Variants in DOT1L observed in about 807,000 individuals in gnomAD.
DOT1L encodes the protein histone-lysine N-methyltransferase, H3 lysine-79 specific.
In DOT1L, 33 loss-of-function variants were observed where a neutral mutation model predicts 153.3. The ratio of observed to expected loss-of-function variants is 0.22; its 90% CI spans 0.16 to 0.29. DOT1L has a LOEUF of 0.29. Among genes scored for constraint, DOT1L ranks in the 10% least tolerant of loss-of-function variants. The pLI, the probability that DOT1L is intolerant of heterozygous loss-of-function variation, is 1.00. For synonymous variants in DOT1L, 1,135 were observed against 965.1 expected, an observed-to-expected ratio of 1.18 and a Z score of -3.26; for missense variants, 1,847 against 2,119.9, an observed-to-expected ratio of 0.87 and a Z score of 2.53.
intron 27 of DOT1L, chr19:2,227,963 C>T (rs1388307953): frequency 1.6e-6 from 2 of 1,249,460 alleles, no homozygotes; most frequent in Non-Finnish European, 1.0e-6. Context: ...TGGGCCGGTC[C>T]CCCGCGGGGC....
In DOT1L at chr19:2,191,489, C is replaced by T. The variant is rs914376242; in HGVS notation, c.493+249C>T. Reference sequence around the variant, plus strand: ...GACCAGGCCCATCCTCCCAGGTGCCCGGAGACTCTGCTTTCGTCCTGCTTC... The same window carrying T: ...GACCAGGCCCATCCTCCCAGGTGCCTGGAGACTCTGCTTTCGTCCTGCTTC... On this transcript the variant is annotated intron_variant, in intron 5 of 27. Coordinates refer to ENST00000398665, the MANE Select transcript of DOT1L (RefSeq NM_032482.3). The surrounding 1 kb of genome is among the most constrained non-coding windows in gnomAD (Gnocchi z 6.8). Among the ~76,000 whole-genome samples the T allele has an allele frequency of 2.6e-5, 4 of 152,018 alleles. No individual in the cohort carries two copies. Among genetic ancestry groups the T allele is most frequent in the East Asian group, 1.9e-4 (1 of 5,178 alleles).
chr19:2,211,512 C>G (rs1322243307), intron 15 of DOT1L, among the ~76,000 whole-genome samples: 1 of 152,216 alleles, frequency 6.6e-6, no homozygotes, highest in Admixed American at 6.5e-5. Flanking sequence ...TGCTCAGGGC[C>G]TTGCAGTGCC....
chr19:2,173,876 G>A (rs1471174493), intron 1 of DOT1L, among the ~76,000 whole-genome samples: 1 of 152,214 alleles, frequency 6.6e-6, no homozygotes, highest in Non-Finnish European at 1.5e-5. Context: ...CTGTGTGGGT[G>A]GCCTCAGCCC....
rs1568362406 is a variant in DOT1L, at chr19:2,216,778, G to A, written c.2408+13G>A. ...AGCTGCATTCGAGGTGAGTGCCCTG[G>A]TGGGGCTGGGGGTCTGCAGCTGGTA... On this transcript the variant is annotated intron_variant, in intron 20 of 27. Coordinates refer to ENST00000398665, the MANE Select transcript of DOT1L (RefSeq NM_032482.3). The A allele has an allele frequency of 1.3e-6, 2 of 1,581,688 alleles. No individual in the cohort carries two copies. The highest frequency in any genetic ancestry group is 1.7e-6 in the Non-Finnish European group (2 of 1,167,492).
chr19:2,201,107 T>C, intron 8 of DOT1L, among the ~76,000 whole-genome samples: 2 of 116,516 alleles, frequency 1.7e-5, no homozygotes, highest in Non-Finnish European at 3.5e-5. Flanking sequence ...CTCCCCGCAT[T>C]CCTCGTCCTC....
intron 8 of DOT1L, among the ~76,000 whole-genome samples, chr19:2,202,307 G>A (rs530522068): frequency 6.6e-6 from 1 of 152,310 alleles, no homozygotes; most frequent in East Asian, 1.9e-4. Flanking sequence ...CCTCTGCTTG[G>A]CGCCCCCTGT....
rs779547805 is a variant in DOT1L at position 2,226,997 on chromosome 19, C to T, written c.4476C>T (p.Ser1492=). The change falls in exon 27 of 28, where the codon TCC becomes TCT. Residue 1492 remains serine (S), a synonymous_variant. Coordinates refer to ENST00000398665, the MANE Select transcript of DOT1L (RefSeq NM_032482.3). ...ACCTCGGCTCCGTGGCCGGCTCCTC[C>T]GTGCTGCAGTCGCTGTTCAGCTCTG... ...QANLGSVAGS[S]VLQSLFSSVP... is the part of the protein sequence containing the mutation. 13 of 1,592,108 alleles carry T rather than the reference C, an allele frequency of 8.2e-6. No individual in the cohort carries two copies. Among genetic ancestry groups the T allele is most frequent in the Admixed American group, 1.7e-5 (1 of 59,536 alleles).
Position 2,230,115 on chromosome 19 carries a change from G to T in DOT1L, c.*323G>T. The T allele has an allele frequency of 1.9e-6, 1 of 534,620 alleles. No homozygotes were observed. The highest frequency in any genetic ancestry group is 3.2e-5 in the East Asian group (1 of 31,366). The allele number at this position is 534,620 out of a possible 1,614,324, so 33.1% of individuals were successfully genotyped here. A position where few individuals can be genotyped will look rare whatever the true frequency, so the allele number is the denominator to read the frequency against. The stretch of plus-strand genomic sequence containing the variant: ...ATGAGAGCTCTATATAAAGACACGT[G>T]TCTGCAGGGCGGGCCCGCCAGCGGA... On this transcript the variant is annotated 3_prime_UTR_variant, in exon 28 of 28. Transcript: ENST00000398665.
At chr19:2,167,148 C>T (rs529073816) in intron 1 of DOT1L, among the ~76,000 whole-genome samples, 6 of 152,244 alleles carry the variant, frequency 3.9e-5, no homozygotes, top group South Asian at 2.1e-4. Flanking sequence ...AGAATAAACC[C>T]GCACTAAACA....
At chr19:2,166,261 T>A (rs1423369874) in intron 1 of DOT1L, among the ~76,000 whole-genome samples, 1 of 149,372 alleles carries the variant, frequency 6.7e-6, no homozygotes, top group Non-Finnish European at 1.5e-5. Context: ...CACACCCTGC[T>A]AATTTTGTAT....
intron 12 of DOT1L, among the ~76,000 whole-genome samples, chr19:2,209,612 G>A (rs1256462976): frequency 6.6e-6 from 1 of 152,248 alleles, no homozygotes; most frequent in Non-Finnish European, 1.5e-5. Context: ...GGGAAAGCCT[G>A]GCTTGGGGAG....
At chr19:2,177,696 C>G in intron 1 of DOT1L, among the ~76,000 whole-genome samples, 1 of 152,174 alleles carries the variant, frequency 6.6e-6, no homozygotes, top group East Asian at 1.9e-4. Flanking sequence ...TGCCTGCTCC[C>G]TCGCCAACCC....
At chr19:2,196,033 C>T (rs572817962) in intron 7 of DOT1L, among the ~76,000 whole-genome samples, 58 of 152,378 alleles carry the variant, frequency 3.8e-4, no homozygotes, top group African/African-American at 1.3e-3. Flanking sequence ...GCTGAGGTGC[C>T]CTCTGTGGGC....
intron 1 of DOT1L, among the ~76,000 whole-genome samples, chr19:2,179,250 C>T (rs1295578756): frequency 6.6e-6 from 1 of 152,192 alleles, no homozygotes; most frequent in Non-Finnish European, 1.5e-5. Flanking sequence ...GTGGCGGCTG[C>T]GTGTCTCACT....
In DOT1L at chr19:2,232,535, C is replaced by T. The variant is rs934038268; in HGVS notation, c.*2743C>T. Reference sequence around the variant, plus strand: ...CTCTGGGCACCCCTGCATTCTGCATCCCCACCTCTAGACGCTGTAATAAAC... The same window carrying T: ...CTCTGGGCACCCCTGCATTCTGCATTCCCACCTCTAGACGCTGTAATAAAC... On this transcript the variant is annotated 3_prime_UTR_variant, in exon 28 of 28. Coordinates refer to ENST00000398665, the MANE Select transcript of DOT1L (RefSeq NM_032482.3). 1.8e-5 allele frequency: 4 copies of T among 216,658 alleles called. No homozygotes were observed. The highest frequency in any genetic ancestry group is 9.0e-5 in the African/African-American group (4 of 44,350). 13.4% of individuals were successfully genotyped at this position (216,658 alleles called of 1,614,324 possible).
intron 14 of DOT1L, 27 bp downstream of exon 14, chr19:2,210,882 C>T (rs949520579): frequency 8.1e-6 from 13 of 1,607,702 alleles, no homozygotes; most frequent in South Asian, 2.2e-5. Context: ...CCACGGCCCC[C>T]GCTCTCCCCG....
chr19:2,210,919 C>T (rs2023686931), intron 14 of DOT1L, 64 bp downstream of exon 14: 1 of 1,565,796 alleles, frequency 6.4e-7, no homozygotes, highest in Admixed American at 1.8e-5. Context: ...GTCCCCTCTG[C>T]TGGGACGCTG....
chr19:2,178,378 A>C (rs1041750165), intron 1 of DOT1L, among the ~76,000 whole-genome samples: 55 of 149,570 alleles, frequency 3.7e-4, no homozygotes, highest in Non-Finnish European at 5.3e-4. Context: ...GAAAAAAAAA[A>C]AAAACAAAAA....
At position 2,207,467 on chromosome 19, in the gene DOT1L, ACG is replaced by A; in HGVS notation, c.857-103_857-102del. 1 of 887,480 alleles carries A rather than the reference ACG, an allele frequency of 1.1e-6. No homozygotes were observed. The allele number at this position is 887,480 out of a possible 1,614,324, so 55.0% of individuals were successfully genotyped here. On this transcript the variant is annotated intron_variant, in intron 10 of 27. Coordinates refer to ENST00000398665, the MANE Select transcript of DOT1L (RefSeq NM_032482.3). This position sits in a 1 kb window ranked among gnomAD's most constrained non-coding sequence, Gnocchi z 4.5. The stretch of plus-strand genomic sequence containing the variant: ...GACGCAGTGTGGGAGAAGAGGGAAG[ACG>A]CGCAGCTCAGGCTTCTGTCCCCACG...
Sources: allele counts gnomAD v4.1 joint callset (sites outside exome capture counted in the v4.1 genomes callset), GRCh38; gene constraint gnomAD v4.1.1; non-coding constraint Gnocchi (gnomAD v3.1); transcripts MANE v1.5; gene names NCBI Gene and HGNC (gene_info 2026-07-23, HGNC 2026-07-21).